The following NRP2 variants were observed in gnomAD, a reference collection of about 807,000 sequenced individuals.
The protein encoded by NRP2 is neuropilin-2.
A neutral mutation model predicts 110.4 loss-of-function variants in NRP2; 52 were observed. The ratio of observed to expected loss-of-function variants is 0.47; its 90% CI spans 0.38 to 0.59. NRP2 has a LOEUF of 0.59. NRP2 is among the 20% of genes least tolerant of loss of function. The pLI, the probability that NRP2 is intolerant of heterozygous loss-of-function variation, is 0.00. For synonymous variants in NRP2, 508 were observed against 468.9 expected (o/e 1.08, Z -1.08); for missense variants, 1,049 against 1,203.0 (o/e 0.87, Z 1.89).
chr2:205,785,920 T>C (rs576624500), intron 15 of NRP2, among the ~76,000 whole-genome samples: 1 of 152,294 alleles, frequency 6.6e-6, no homozygotes, highest in South Asian at 2.1e-4. Flanking sequence ...TTTCCGCACT[T>C]GAAACCATTT....
chr2:205,720,882 G>T (rs1349901349), intron 3 of NRP2, among the ~76,000 whole-genome samples: 1 of 152,220 alleles, frequency 6.6e-6, no homozygotes, highest in East Asian at 1.9e-4. Flanking sequence ...ATGGGGTGCA[G>T]AGCCTCTGAG....
At chr2:205,690,629 C>A (rs990404181) in intron 1 of NRP2, among the ~76,000 whole-genome samples, 1 of 134,562 alleles carries the variant, frequency 7.4e-6, no homozygotes, top group African/African-American at 2.9e-5. Context: ...CACACACACA[C>A]AATAGCTGGG....
intron 11 of NRP2, among the ~76,000 whole-genome samples, chr2:205,750,815 T>C (rs3771016): frequency 0.57 from 86,471 of 152,048 alleles, 24,846 homozygotes; most frequent in Middle Eastern, 0.64. Context: ...CTGTGGAACC[T>C]GCAAGCACAG....
intron 12 of NRP2, chr2:205,759,778 A>G (rs1201434076): frequency 2.0e-5 from 3 of 152,194 alleles, no homozygotes; most frequent in Admixed American, 1.3e-4. Context: ...AAAGGCAAGC[A>G]TAGGAGGGAG....
At chr2:205,746,099 T>G (rs2057533981) in intron 10 of NRP2, among the ~76,000 whole-genome samples, 1 of 152,184 alleles carries the variant, frequency 6.6e-6, no homozygotes. Flanking sequence ...TTGTCTTTTT[T>G]AAGGGATCAT....
rs117083053 is a variant in NRP2, at chr2:205,790,609, A to C, written c.2426-1626A>C. 4.0e-5 allele frequency among the ~76,000 whole-genome samples: 6 copies of C among 151,638 alleles called. No individual in the cohort carries two copies. In the East Asian group the frequency reaches 1.2e-3, roughly 29 times the overall value. On this transcript the variant is annotated intron_variant, in intron 15 of 16. Transcript: ENST00000357785. ...GTTAAGACATATGAGCAGCCCATCA[A>C]ACCAATTAATTGTTGGAAATGTGAC... is the stretch of plus-strand genomic sequence containing the variant.
intron 12 of NRP2, chr2:205,759,833 A>G (rs1183950660): frequency 6.6e-6 from 1 of 152,182 alleles, no homozygotes; most frequent in Non-Finnish European, 1.5e-5. Flanking sequence ...TGAGCTCTTA[A>G]TGTGTCCTTG....
intron 9 of NRP2, among the ~76,000 whole-genome samples, 154 bp from the exon 10 acceptor site, chr2:205,745,592 C>T (rs960870610): frequency 5.3e-5 from 8 of 152,090 alleles, no homozygotes; most frequent in African/African-American, 1.9e-4. Context: ...ATGAAGCTCG[C>T]GTGGATCAGA....
At chr2:205,713,284 T>A (rs1431248810) in intron 2 of NRP2, among the ~76,000 whole-genome samples, 1 of 152,194 alleles carries the variant, frequency 6.6e-6, no homozygotes, top group African/African-American at 2.4e-5. Context: ...ACTGGAACTA[T>A]CTGGTGAAGC....
intron 7 of NRP2, among the ~76,000 whole-genome samples, chr2:205,736,845 A>G (rs1379483761): frequency 6.6e-6 from 1 of 152,240 alleles, no homozygotes; most frequent in Non-Finnish European, 1.5e-5. Context: ...CCAAGAATCC[A>G]TCTCAGTGAA....
chr2:205,747,586 T>C (rs1277981138), intron 10 of NRP2, among the ~76,000 whole-genome samples: 1 of 152,220 alleles, frequency 6.6e-6, no homozygotes, highest in Non-Finnish European at 1.5e-5. Flanking sequence ...TCATGACCTA[T>C]TCGACGGATT....
chr2:205,792,339 A>C, intron 16 of NRP2, 54 bp downstream of exon 16: 5 of 1,325,866 alleles, frequency 3.8e-6, no homozygotes, highest in Non-Finnish European at 5.4e-6. Flanking sequence ...TTGGTTATAA[A>C]GGTGTCAACA....
At chr2:205,709,274 T>A (rs935505285) in intron 2 of NRP2, among the ~76,000 whole-genome samples, 3 of 152,212 alleles carry the variant, frequency 2.0e-5, no homozygotes, top group African/African-American at 7.2e-5. Flanking sequence ...AACTGTGCTT[T>A]TCGTTTCATC....
intron 15 of NRP2, among the ~76,000 whole-genome samples, chr2:205,772,045 G>A (rs2105937196): frequency 6.6e-6 from 1 of 152,348 alleles, no homozygotes; most frequent in South Asian, 2.1e-4. Context: ...GCAGTGTACA[G>A]TTCCTCAGGG....
chr2:205,739,409 A>T (rs556387443), intron 7 of NRP2, among the ~76,000 whole-genome samples: 7 of 152,312 alleles, frequency 4.6e-5, no homozygotes, highest in African/African-American at 1.7e-4. Flanking sequence ...AAAGTCTTCA[A>T]ATATACCAGT....
chr2:205,731,355 T>A (rs1046398282), intron 7 of NRP2, among the ~76,000 whole-genome samples: 5 of 152,234 alleles, frequency 3.3e-5, no homozygotes, highest in Admixed American at 2.0e-4. Context: ...AGAAGGTTCA[T>A]GTATGTTTAC....
chr2:205,701,919 G>C (rs1324632654), intron 2 of NRP2, among the ~76,000 whole-genome samples: 1 of 152,190 alleles, frequency 6.6e-6, no homozygotes, highest in Non-Finnish European at 1.5e-5. Context: ...CAATGATTCA[G>C]GCTTTTAATT....
chr2:205,696,951 A>C (rs1226191722), intron 1 of NRP2, among the ~76,000 whole-genome samples: 1 of 152,146 alleles, frequency 6.6e-6, no homozygotes, highest in Non-Finnish European at 1.5e-5. Flanking sequence ...TTCTTAAAAA[A>C]AAATTTAAAA....
At chr2:205,722,997 A>T (rs2057052270) in intron 4 of NRP2, among the ~76,000 whole-genome samples, 1 of 152,194 alleles carries the variant, frequency 6.6e-6, no homozygotes, top group Non-Finnish European at 1.5e-5. Context: ...TCAGGATAGA[A>T]GGTGGCTCAG....
Sources: allele counts gnomAD v4.1 joint callset (sites outside exome capture counted in the v4.1 genomes callset), GRCh38; gene constraint gnomAD v4.1.1; transcripts MANE v1.5; gene names NCBI Gene and HGNC (gene_info 2026-07-23, HGNC 2026-07-21).